Variants in SKAP1 observed in about 807,000 individuals in gnomAD.
SKAP1 encodes src kinase-associated phosphoprotein 1.
Under a neutral mutation model 58.5 loss-of-function variants are expected in SKAP1, and 44 were observed. The observed-to-expected ratio is 0.75, with a 90% confidence interval of 0.59 to 0.97. The LOEUF is 0.97. SKAP1 is among the 50% of genes least tolerant of loss of function. The probability of loss-of-function intolerance (pLI) is 0.00; values close to 1 mark genes in which losing one functional copy is unlikely to be tolerated. For synonymous variants in SKAP1, 127 were observed against 149.7 expected, an observed-to-expected ratio of 0.85 and a Z score of 1.11; for missense variants, 390 against 435.2, an observed-to-expected ratio of 0.90 and a Z score of 0.92.
At chr17:48,210,792 G>T (rs1260013042) in intron 4 of SKAP1, among the ~76,000 whole-genome samples, 1 of 152,156 alleles carries the variant, frequency 6.6e-6, no homozygotes, top group African/African-American at 2.4e-5. Context: ...TGGCTGAGGA[G>T]GCCACTTGTA....
At chr17:48,256,191 G>T (rs1236762253) in intron 4 of SKAP1, among the ~76,000 whole-genome samples, 1 of 151,968 alleles carries the variant, frequency 6.6e-6, no homozygotes, top group Non-Finnish European at 1.5e-5. Flanking sequence ...GTGTGTGTGT[G>T]TGTGTGAGGA....
At chr17:48,197,698 A>G (rs2064656993) in intron 4 of SKAP1, among the ~76,000 whole-genome samples, 1 of 152,198 alleles carries the variant, frequency 6.6e-6, no homozygotes, top group South Asian at 2.1e-4. Flanking sequence ...CAAACAAAAA[A>G]CAAAAACAAA....
At chr17:48,349,029 A>G in intron 3 of SKAP1, among the ~76,000 whole-genome samples, 1 of 152,216 alleles carries the variant, frequency 6.6e-6, no homozygotes, top group South Asian at 2.1e-4. Flanking sequence ...AAGTGTTTTT[A>G]GTGTCATATC....
intron 4 of SKAP1, among the ~76,000 whole-genome samples, chr17:48,313,421 T>C (rs2066250524): frequency 6.6e-6 from 1 of 152,212 alleles, no homozygotes; most frequent in Admixed American, 6.5e-5. Context: ...CTAATTATCA[T>C]AGAACACTTT....
At chr17:48,321,379 T>C (rs1191129193) in intron 4 of SKAP1, among the ~76,000 whole-genome samples, 1 of 146,996 alleles carries the variant, frequency 6.8e-6, no homozygotes, top group Non-Finnish European at 1.5e-5. Flanking sequence ...ATTATTATTA[T>C]TATTATTATT....
intron 4 of SKAP1, among the ~76,000 whole-genome samples, chr17:48,262,773 T>C (rs1330488825): frequency 6.6e-6 from 1 of 152,166 alleles, no homozygotes; most frequent in East Asian, 1.9e-4. Flanking sequence ...TTATTCAGCT[T>C]GTAGATTTTC....
intron 1 of SKAP1, among the ~76,000 whole-genome samples, chr17:48,400,029 A>T (rs1300632228): frequency 6.6e-6 from 1 of 152,098 alleles, no homozygotes; most frequent in Non-Finnish European, 1.5e-5. Flanking sequence ...ATTAAAACTA[A>T]TAAAAGAGTT....
At chr17:48,378,082 C>A (rs2067172862) in intron 2 of SKAP1, among the ~76,000 whole-genome samples, 1 of 152,118 alleles carries the variant, frequency 6.6e-6, no homozygotes, top group African/African-American at 2.4e-5. Context: ...ATTCTACTCC[C>A]TTAATAACCT....
intron 4 of SKAP1, among the ~76,000 whole-genome samples, chr17:48,336,285 C>G (rs1467615689): frequency 6.6e-6 from 1 of 152,108 alleles, no homozygotes; most frequent in Non-Finnish European, 1.5e-5. Flanking sequence ...TAGGCATCTT[C>G]TAGTGGTTTA....
chr17:48,240,134 G>T (rs2143820806), intron 4 of SKAP1, among the ~76,000 whole-genome samples: 1 of 152,040 alleles, frequency 6.6e-6, no homozygotes, highest in East Asian at 1.9e-4. Context: ...GTGGAATAAG[G>T]AGCGAGCCAG....
At chr17:48,365,048 T>C (rs1317015029) in intron 2 of SKAP1, among the ~76,000 whole-genome samples, 3 of 152,122 alleles carry the variant, frequency 2.0e-5, no homozygotes, top group Non-Finnish European at 4.4e-5. Context: ...CACACCTAGA[T>C]GCTTACACAC....
intron 4 of SKAP1, chr17:48,307,312 T>C (rs1473001990): frequency 6.6e-6 from 1 of 152,276 alleles, no homozygotes; most frequent in African/African-American, 2.4e-5. Context: ...TGTTTTGTTT[T>C]GTTTTGTTTT....
chr17:48,413,302 G>T (rs2067688371), intron 1 of SKAP1, among the ~76,000 whole-genome samples: 1 of 150,998 alleles, frequency 6.6e-6, no homozygotes, highest in Admixed American at 6.6e-5. Flanking sequence ...ATCTCCTGAG[G>T]TCAGGAGTTT....
chr17:48,399,072 T>C (rs894674042), intron 1 of SKAP1, among the ~76,000 whole-genome samples: 1 of 146,024 alleles, frequency 6.8e-6, no homozygotes, highest in East Asian at 2.0e-4. Flanking sequence ...AAATCCTAAA[T>C]AGCCATCGCT....
intron 4 of SKAP1, among the ~76,000 whole-genome samples, chr17:48,339,823 C>G (rs530267126): frequency 2.0e-5 from 3 of 152,234 alleles, no homozygotes; most frequent in East Asian, 1.9e-4. Flanking sequence ...TCAGGCCTTA[C>G]CCCTGACTCA....
In SKAP1 at chr17:48,243,404, G is replaced by A. The variant is rs528194447; in HGVS notation, c.281-53904C>T. Among the ~76,000 whole-genome samples, 75 of 152,190 alleles carry A rather than the reference G, an allele frequency of 4.9e-4. 2 individuals are homozygous for A. Among genetic ancestry groups the A allele is most frequent in the Middle Eastern group, 3.4e-3 (1 of 294 alleles). On this transcript the variant is annotated intron_variant, in intron 4 of 12. Coordinates refer to ENST00000336915, the MANE Select transcript of SKAP1 (RefSeq NM_003726.4). ...CAAACCCAATGGCAATAAGAAAGTT[G>A]TTCTCTTTGTGGTTTTGAGCTTTTT...
At chr17:48,268,694 G>A (rs12950325) in intron 4 of SKAP1, among the ~76,000 whole-genome samples, 30,056 of 151,812 alleles carry the variant, frequency 0.2, 3,000 homozygotes, top group Admixed American at 0.22. Context: ...GTCTCACCAT[G>A]TTGGCCAGGC....
Position 48,162,005 on chromosome 17 carries a change from C to T in SKAP1, c.978+464G>A, listed in dbSNP as rs545977642. Among the ~76,000 whole-genome samples, 51 of 152,078 alleles carry T rather than the reference C, an allele frequency of 3.4e-4. 1 individual carries two copies. In the South Asian group the frequency reaches 5.6e-3, roughly 17 times the overall value. On this transcript the variant is annotated intron_variant, in intron 11 of 12. Transcript: ENST00000336915. ...TTTTTGAGATGGAGTCTTGCTCCAT[C>T]GCCAGGCTGGAGTGCAGTGGCGTGA...
intron 4 of SKAP1, among the ~76,000 whole-genome samples, chr17:48,329,803 A>G (rs2066482102): frequency 6.6e-6 from 1 of 152,062 alleles, no homozygotes; most frequent in Admixed American, 6.5e-5. Context: ...AACTACAGAG[A>G]CTTGATCAAA....
Sources: allele counts gnomAD v4.1 joint callset (sites outside exome capture counted in the v4.1 genomes callset), GRCh38; gene constraint gnomAD v4.1.1; transcripts MANE v1.5; gene names NCBI Gene and HGNC (gene_info 2026-07-23, HGNC 2026-07-21).